NT5DC1: variants seen among roughly 807,000 people sequenced by gnomAD.
NT5DC1 encodes the protein 5'-nucleotidase domain containing 1, also known as 5'-nucleotidase domain-containing protein 1.
In NT5DC1, 42 loss-of-function variants were observed where a neutral mutation model predicts 59.4. The observed-to-expected ratio is 0.71, with a 90% CI of 0.55 to 0.92. The LOEUF is 0.92. Ranked by LOEUF, NT5DC1 falls within the 40% of genes least tolerant of loss-of-function variation. The pLI is 0.00. For synonymous variants in NT5DC1, 172 were observed against 188.1 expected (o/e 0.91, Z 0.70); for missense variants, 501 against 537.1 (o/e 0.93, Z 0.66).
At chr6:116,168,577 A>G (rs888641683) in intron 6 of NT5DC1, among the ~76,000 whole-genome samples, 1 of 152,098 alleles carries the variant, frequency 6.6e-6, no homozygotes, top group Non-Finnish European at 1.5e-5. Context: ...TCTTCATGCC[A>G]TAGGAGCTGC....
chr6:116,154,119 G>C (rs1344382921), intron 6 of NT5DC1, among the ~76,000 whole-genome samples: 1 of 150,302 alleles, frequency 6.7e-6, no homozygotes, highest in Non-Finnish European at 1.5e-5. Context: ...TCTCAAATCA[G>C]CATTGATTTG....
Position 116,244,033 on chromosome 6 carries a change from T to C in NT5DC1, c.*9T>C. On this transcript the variant is annotated 3_prime_UTR_variant, in exon 12 of 12. Coordinates refer to ENST00000319550, the MANE Select transcript of NT5DC1 (RefSeq NM_152729.3). ...CACTGATATCCAAATAAGTTGTCTT[T>C]ACTGAAAAATGAAGTGAAGACCCAT... 4 of 1,163,574 alleles carry C rather than the reference T, an allele frequency of 3.4e-6. No homozygotes were observed. Among genetic ancestry groups the C allele is most frequent in the Non-Finnish European group, 5.0e-6 (4 of 795,340 alleles). 72.1% of individuals were successfully genotyped at this position (1,163,574 alleles called of 1,614,324 possible).
intron 11 of NT5DC1, among the ~76,000 whole-genome samples, chr6:116,240,740 C>G (rs957390048): frequency 6.6e-5 from 10 of 152,122 alleles, no homozygotes; most frequent in Admixed American, 6.5e-4. Flanking sequence ...TCTGACTTAT[C>G]AGAAACAGAG....
rs142420929 is a variant in NT5DC1 at position 116,133,768 on chromosome 6, A to G, written c.529+15823A>G. 3.0e-3 allele frequency among the ~76,000 whole-genome samples: 459 copies of G among 152,240 alleles called. 2 individuals are homozygous for G. Among genetic ancestry groups the G allele is most frequent in the African/African-American group, 0.01 (434 of 41,554 alleles). On this transcript the variant is annotated intron_variant, in intron 6 of 11. Coordinates refer to ENST00000319550, the MANE Select transcript of NT5DC1 (RefSeq NM_152729.3). ...CATCCCTGGTTCCTGCCTCTTGCCC[A>G]CCAGTAATGCTGACCAGATCACCTG...
chr6:116,158,826 T>G (rs1475999254), intron 6 of NT5DC1: 1 of 152,220 alleles, frequency 6.6e-6, no homozygotes, highest in Non-Finnish European at 1.5e-5. Context: ...AATCATATGC[T>G]GGCTACCGAA....
At chr6:116,155,889 G>A (rs956605110) in intron 6 of NT5DC1, among the ~76,000 whole-genome samples, 1 of 151,614 alleles carries the variant, frequency 6.6e-6, no homozygotes, top group African/African-American at 2.4e-5. Context: ...GGAAGTGGAG[G>A]TAGTGTTTAT....
intron 6 of NT5DC1, among the ~76,000 whole-genome samples, chr6:116,124,382 A>G (rs1779229769): frequency 6.6e-6 from 1 of 152,238 alleles, no homozygotes; most frequent in South Asian, 2.1e-4. Context: ...GCTGTTAAAT[A>G]AAATTAGTGA....
At chr6:116,186,660 G>T (rs114629820) in intron 6 of NT5DC1, among the ~76,000 whole-genome samples, 2 of 151,878 alleles carry the variant, frequency 1.3e-5, no homozygotes, top group Admixed American at 6.6e-5. Context: ...CTACTTGTTC[G>T]ATTCTGTTGC....
At chr6:116,108,700 C>A (rs1463369030) in intron 3 of NT5DC1, among the ~76,000 whole-genome samples, 1 of 152,178 alleles carries the variant, frequency 6.6e-6, no homozygotes, top group Non-Finnish European at 1.5e-5. Flanking sequence ...TAACCTGCTA[C>A]GTCTCATTGA....
intron 6 of NT5DC1, among the ~76,000 whole-genome samples, chr6:116,188,575 T>C (rs985062737): frequency 5.3e-5 from 8 of 151,958 alleles, no homozygotes; most frequent in Non-Finnish European, 1.5e-5. Context: ...AAAATAGATA[T>C]TAAAATGGGT....
At chr6:116,157,216 G>A (rs1357884977) in intron 6 of NT5DC1, among the ~76,000 whole-genome samples, 2 of 152,176 alleles carry the variant, frequency 1.3e-5, no homozygotes, top group Middle Eastern at 3.4e-3. Flanking sequence ...TATTAATTTG[G>A]TTTAAAAATG....
chr6:116,200,689 A>G (rs1293783010), intron 6 of NT5DC1, among the ~76,000 whole-genome samples: 1 of 151,946 alleles, frequency 6.6e-6, no homozygotes, highest in East Asian at 1.9e-4. Flanking sequence ...TCATTCCTCA[A>G]CTTCTCTCTC....
At chr6:116,133,950 A>T (rs1314878040) in intron 6 of NT5DC1, among the ~76,000 whole-genome samples, 2 of 152,220 alleles carry the variant, frequency 1.3e-5, no homozygotes, top group Non-Finnish European at 2.9e-5. Flanking sequence ...TGATCTTATT[A>T]GTGCTGAAAT....
chr6:116,226,342 C>T (rs1781908988), intron 8 of NT5DC1, among the ~76,000 whole-genome samples: 1 of 151,866 alleles, frequency 6.6e-6, no homozygotes. Flanking sequence ...TATGCCATTC[C>T]ATAAGATTTT....
chr6:116,237,039 C>A lies in NT5DC1; in HGVS notation c.876C>A (p.His292Gln). Residue 292 changes from histidine to glutamine, a missense_variant, in exon 9 of 12, where the codon CAC becomes CAA. Physicochemically the swap from His to Gln is conservative, Grantham distance 24. Transcript: ENST00000319550. ...PGWYSQGNAV[H>Q]LYELLKKMTG... ...GGTACTCCCAAGGGAACGCTGTCCACCTCTATGAACTTCTGAAGAAAATGA... is the reference window on the plus strand; with the variant it reads ...GGTACTCCCAAGGGAACGCTGTCCAACTCTATGAACTTCTGAAGAAAATGA... 1 of 1,613,230 alleles carries A rather than the reference C, an allele frequency of 6.2e-7. No homozygotes were observed. Among genetic ancestry groups the A allele is most frequent in the South Asian group, 1.1e-5 (1 of 91,016 alleles).
intron 6 of NT5DC1, among the ~76,000 whole-genome samples, chr6:116,174,320 T>C (rs1273215046): frequency 6.6e-6 from 1 of 152,140 alleles, no homozygotes; most frequent in Non-Finnish European, 1.5e-5. Context: ...TAGAAAAAAA[T>C]ATACTTATTT....
At chr6:116,155,788 G>A (rs1242712050) in intron 6 of NT5DC1, among the ~76,000 whole-genome samples, 1 of 150,244 alleles carries the variant, frequency 6.7e-6, no homozygotes, top group Non-Finnish European at 1.5e-5. Flanking sequence ...AGGAAGTTGT[G>A]TGTGTACTGA....
intron 6 of NT5DC1, among the ~76,000 whole-genome samples, chr6:116,219,636 A>C (rs1582879776): frequency 6.6e-6 from 1 of 151,806 alleles, no homozygotes; most frequent in East Asian, 1.9e-4. Flanking sequence ...TTTTGTTTTT[A>C]TTTGTTCGTT....
chr6:116,103,902 T>A (rs1255787644), intron 1 of NT5DC1, among the ~76,000 whole-genome samples: 4 of 151,978 alleles, frequency 2.6e-5, no homozygotes, highest in Non-Finnish European at 4.4e-5. Flanking sequence ...TAAAAAAAAA[T>A]TATTTGTTTT....
Sources: gnomAD v4.1 joint callset for allele counts (sites outside exome capture counted in the v4.1 genomes callset) on GRCh38, gnomAD v4.1.1 for gene constraint, MANE v1.5 for transcripts, NCBI Gene and HGNC (gene_info 2026-07-23, HGNC 2026-07-21) for gene names.